NFASC: variants seen among roughly 807,000 people sequenced by gnomAD.
The protein encoded by NFASC is neurofascin homolog.
A neutral mutation model predicts 147.5 loss-of-function variants in NFASC; 43 were observed. The observed-to-expected ratio is 0.29, with a 90% CI of 0.23 to 0.38. The LOEUF (loss-of-function observed/expected upper bound fraction) is 0.38. NFASC is among the 10% of genes least tolerant of loss of function. The pLI is 1.00. For synonymous variants in NFASC, 622 were observed against 665.5 expected (o/e 0.93, Z 1.01); for missense variants, 1,320 against 1,689.0 (o/e 0.78, Z 3.83).
chr1:204,906,517 G>A lies in NFASC; in HGVS notation c.-199-14115G>A, dbSNP rs559189114. On this transcript the variant is annotated intron_variant, in intron 1 of 29. Transcript: ENST00000339876. Reference sequence around the variant, plus strand: ...ATTTGAGATGCCTCTAACTCGCTGCGTGTATCAGTAGAACATTGCTTTATA... The same window carrying A: ...ATTTGAGATGCCTCTAACTCGCTGCATGTATCAGTAGAACATTGCTTTATA... Among the ~76,000 whole-genome samples, 20 of 152,260 alleles carry A rather than the reference G, an allele frequency of 1.3e-4. No homozygotes were observed. In the South Asian group the frequency reaches 1.9e-3, roughly 14 times the overall value.
chr1:204,871,048 A>G, intron 1 of NFASC: 2 of 1,289,818 alleles, frequency 1.6e-6, no homozygotes, highest in Non-Finnish European at 2.0e-6. Context: ...GATGAACCAG[A>G]CCATGGCTCC....
rs1230827682 is a variant in NFASC, at chr1:205,015,286, A to G, written c.3492-1022A>G. Among the ~76,000 whole-genome samples, 4 of 151,918 alleles carry G rather than the reference A, an allele frequency of 2.6e-5. No homozygotes were observed. The highest frequency in any genetic ancestry group is 5.9e-5 in the Non-Finnish European group (4 of 67,992). Reference sequence around the variant, plus strand: ...TGGCACCGCTATGGTCCCACCACTGAGACCCAGACTCCCACTGCTCAGACC... The same window carrying G: ...TGGCACCGCTATGGTCCCACCACTGGGACCCAGACTCCCACTGCTCAGACC... On this transcript the variant is annotated intron_variant, in intron 29 of 29. Coordinates refer to ENST00000339876, the MANE Select transcript of NFASC (RefSeq NM_001005388.3). The surrounding 1 kb of genome is among the most constrained non-coding windows in gnomAD (Gnocchi z 4.0).
chr1:204,967,958 AGCCCCTCC>A, intron 8 of NFASC: 1 of 272,180 alleles, frequency 3.7e-6, no homozygotes, highest in Non-Finnish European at 7.0e-6. Context: ...CTGCTCAGAC[AGCCCCTCC>A]CCGTTCCAGG....
Position 204,846,082 on chromosome 1 carries a change from C to T in NFASC, c.-200+17300C>T, listed in dbSNP as rs144765226. Among the ~76,000 whole-genome samples the T allele has an allele frequency of 6.1e-3, 923 of 151,046 alleles. 8 individuals are homozygous for T. Among genetic ancestry groups the T allele is most frequent in the Non-Finnish European group, 7.9e-3 (537 of 67,828 alleles). On this transcript the variant is annotated intron_variant, in intron 1 of 29. Transcript: ENST00000339876. ...TTTAAAAATGGGGCCCATGGCTGGG[C>T]GCCGTGGCTCACACCTGTAATCCCA...
chr1:204,985,994 C>G (rs1290662024), intron 21 of NFASC: 1 of 1,613,996 alleles, frequency 6.2e-7, no homozygotes, highest in South Asian at 1.1e-5. Context: ...TGGTGACCGC[C>G]TCCGTGGCGT....
At chr1:204,894,318 T>A (rs1237220158) in intron 1 of NFASC, among the ~76,000 whole-genome samples, 1 of 152,186 alleles carries the variant, frequency 6.6e-6, no homozygotes, top group East Asian at 1.9e-4. Context: ...TCATGTCTTA[T>A]CCCTTGGAGC....
At chr1:205,008,996 C>CG in intron 27 of NFASC, 1 of 177,220 alleles carries the variant, frequency 5.6e-6, no homozygotes, top group Non-Finnish European at 1.2e-5. Flanking sequence ...TCCACTTGGT[C>CG]CAGTCCCCAC....
At chr1:204,885,172 T>G (rs1460235531) in intron 1 of NFASC, among the ~76,000 whole-genome samples, 2 of 152,180 alleles carry the variant, frequency 1.3e-5, no homozygotes, top group African/African-American at 4.8e-5. Flanking sequence ...AAAGACCTTT[T>G]GAGGAGCCCA....
chr1:204,841,108 C>A (rs1051831019), intron 1 of NFASC, among the ~76,000 whole-genome samples: 2 of 152,198 alleles, frequency 1.3e-5, no homozygotes, highest in African/African-American at 4.8e-5. Flanking sequence ...CCTGCATCTA[C>A]AGAATAACAA....
chr1:204,982,986 T>C (rs1050553013), intron 21 of NFASC, among the ~76,000 whole-genome samples: 8 of 152,192 alleles, frequency 5.3e-5, no homozygotes, highest in African/African-American at 1.9e-4. Flanking sequence ...ACAAGGGAGA[T>C]GAGCAGAGAG....
rs138932973 is a variant in NFASC at position 204,974,229 on chromosome 1, C to A, written c.1330C>A (p.Leu444Ile). The part of the protein sequence containing the change: ...SPRNQLIRVI[L>I]YNRTRLDCPF... The stretch of plus-strand genomic sequence containing the variant: ...CCGGAACCAGCTCATTCGAGTGATT[C>A]TTTACAACCGGACGCGGCTGGACTG... The change falls in exon 13 of 30, where the codon CTT becomes ATT. Residue 444 changes from leucine to isoleucine, a missense_variant. By Grantham distance (5) the Leu-to-Ile change is conservative. Around this residue, in one of 3 missense-constraint regions of NFASC, gnomAD observed 981 missense variants for 1,289.5 expected, o/e 0.76. Coordinates refer to ENST00000339876, the MANE Select transcript of NFASC (RefSeq NM_001005388.3). 1.1e-5 allele frequency: 17 copies of A among 1,614,042 alleles called. No homozygotes were observed. The highest frequency in any genetic ancestry group is 3.3e-4 in the Middle Eastern group (2 of 6,084).
intron 28 of NFASC, among the ~76,000 whole-genome samples, chr1:205,011,513 G>A (rs1232450230): frequency 6.6e-6 from 1 of 152,204 alleles, no homozygotes; most frequent in Non-Finnish European, 1.5e-5. Context: ...AATACTGGAA[G>A]AACCCAGCAG....
At chr1:205,002,420 C>T (rs1453389742) in intron 26 of NFASC, among the ~76,000 whole-genome samples, 176 bp from the exon 27 acceptor site, 1 of 152,186 alleles carries the variant, frequency 6.6e-6, no homozygotes, top group Non-Finnish European at 1.5e-5. Context: ...TAGTATTGCA[C>T]AGACAGGCAT....
intron 1 of NFASC, chr1:204,870,854 A>G (rs949295536): frequency 3.4e-6 from 4 of 1,183,322 alleles, no homozygotes; most frequent in Admixed American, 7.4e-5. Flanking sequence ...GAAGCCAGGA[A>G]TTATTTTGAT....
intron 15 of NFASC, 56 bp from the exon 16 acceptor site, chr1:204,976,615 C>G: frequency 1.5e-6 from 2 of 1,339,854 alleles, no homozygotes; most frequent in Non-Finnish European, 2.1e-6. Context: ...AAGCAATGGG[C>G]AGGACTCAGC....
chr1:204,952,033 C>G lies in NFASC; in HGVS notation c.132C>G (p.Thr44=). The change falls in exon 5 of 30, where the codon ACC becomes ACG. Residue 44 remains threonine (T), a synonymous_variant. Transcript: ENST00000339876. ...QNELTQPPTI[T]KQSAKDHIVD... is the part of the protein sequence containing the mutation. ...CAGTGACGCAGCCGCCAACCATCAC[C>G]AAGCAGTCAGCGAAGGATCACATCG... is the stretch of plus-strand genomic sequence containing the variant. The G allele has an allele frequency of 6.2e-7, 1 of 1,614,102 alleles. No homozygotes were observed. Among genetic ancestry groups the G allele is most frequent in the Non-Finnish European group, 8.5e-7 (1 of 1,180,010 alleles).
intron 1 of NFASC, among the ~76,000 whole-genome samples, chr1:204,882,322 C>T (rs1171468932): frequency 6.6e-6 from 1 of 152,170 alleles, no homozygotes; most frequent in East Asian, 1.9e-4. Flanking sequence ...TACCCTGCCC[C>T]ACAGTTCCCC....
chr1:204,890,676 TCTC>T (rs2082210001), intron 1 of NFASC, among the ~76,000 whole-genome samples: 1 of 152,004 alleles, frequency 6.6e-6, no homozygotes, highest in Non-Finnish European at 1.5e-5. Flanking sequence ...TCCCAGCTAT[TCTC>T]CTGCCTCAGC....
chr1:204,856,567 A>T (rs965777016), intron 1 of NFASC, among the ~76,000 whole-genome samples: 1 of 152,190 alleles, frequency 6.6e-6, no homozygotes, highest in Non-Finnish European at 1.5e-5. Flanking sequence ...CGATTCAGTG[A>T]CATTTAGCAG....
Sources: gnomAD v4.1 joint callset for allele counts (sites outside exome capture counted in the v4.1 genomes callset) on GRCh38, gnomAD v4.1.1 for gene constraint, gnomAD v4.1.1 regional missense constraint, Gnocchi (gnomAD v3.1) non-coding constraint, MANE v1.5 for transcripts, NCBI Gene and HGNC (gene_info 2026-07-23, HGNC 2026-07-21) for gene names.